The following RGL2 variants were observed in gnomAD, a reference collection of about 807,000 sequenced individuals.
The protein encoded by RGL2 is ral guanine nucleotide dissociation stimulator-like 2.
Under a neutral mutation model 84.6 loss-of-function variants are expected in RGL2, and 40 were observed. That is an observed-to-expected ratio of 0.47 (90% CI 0.37 to 0.62). RGL2 has a LOEUF of 0.62. RGL2 is among the 20% of genes least tolerant of loss of function. RGL2 has a pLI of 0.00. For missense variants in RGL2, 865 were observed against 1,019.7 expected, an observed-to-expected ratio of 0.85 and a Z score of 2.07; for synonymous variants, 369 against 417.3, an observed-to-expected ratio of 0.88 and a Z score of 1.41.
rs1767420499 is a variant in RGL2 at position 33,291,864 on chromosome 6, G to T, written c.*238C>A. ...TGCGTTTTTCCAGCACTACCTGTGT[G>T]CTGCACTCATGGAAGGTGGGAAGCT... On this transcript the variant is annotated 3_prime_UTR_variant, in exon 18 of 18. Transcript: ENST00000497454. 1.7e-6 allele frequency: 1 copy of T among 602,142 alleles called. No homozygotes were observed. Among genetic ancestry groups the T allele is most frequent in the African/African-American group, 1.9e-5 (1 of 53,872 alleles). The allele number at this position is 602,142 out of a possible 1,614,324, so 37.3% of individuals were successfully genotyped here.
rs1383917181 is a variant in RGL2, at chr6:33,295,130, C to G, written c.1206G>C (p.Val402=). The G allele has an allele frequency of 6.2e-7, 1 of 1,606,904 alleles. No individual in the cohort carries two copies. Among genetic ancestry groups the G allele is most frequent in the Non-Finnish European group, 8.5e-7 (1 of 1,176,554 alleles). The part of the protein sequence containing the change: ...DNYSQSRELL[V]QEVKLQSPLE... ...ATGCCACAAACCAGGCTCTCACCTGCACGAGCAGCTCCCGACTCTGGGAAT... is the reference window on the plus strand; with the variant it reads ...ATGCCACAAACCAGGCTCTCACCTGGACGAGCAGCTCCCGACTCTGGGAAT... The change falls in exon 9 of 18, where the codon GTG becomes GTC. Residue 402 remains valine (V), a synonymous_variant. Transcript: ENST00000497454. This position sits in a 1 kb window ranked among gnomAD's most constrained non-coding sequence, Gnocchi z 7.2.
chr6:33,294,827 C>G lies in RGL2; in HGVS notation c.1279-65G>C, dbSNP rs1365347227. On this transcript the variant is annotated intron_variant, in intron 10 of 17. Transcript: ENST00000497454. This position sits in a 1 kb window ranked among gnomAD's most constrained non-coding sequence, Gnocchi z 5.0. Reference sequence around the variant, plus strand: ...CGTGAGGGCCCTCCATCCCTCCGCACTTGCCCTCCTCATTGCCTCAGAGAA... The same window carrying G: ...CGTGAGGGCCCTCCATCCCTCCGCAGTTGCCCTCCTCATTGCCTCAGAGAA... 3.2e-6 allele frequency: 5 copies of G among 1,555,168 alleles called. No homozygotes were observed. Among genetic ancestry groups the G allele is most frequent in the African/African-American group, 1.4e-5 (1 of 73,912 alleles).
chr6:33,294,750 A>T lies in RGL2; in HGVS notation c.1291T>A (p.Tyr431Asn). ...SGSRGGGVVP[Y>N]LGTFLKDLVM... ...AGGTCCTTCAGGAAGGTGCCAAGGT[A>T]TGGGACCACACCCTGAAGTCAGGGG... Residue 431 changes from tyrosine (Y) to asparagine (N), a missense_variant, in exon 11 of 18, where the codon TAC (tyrosine) becomes AAC (asparagine). Tyr to Asn is a moderately radical substitution (Grantham distance 143). Transcript: ENST00000497454. The surrounding 1 kb of genome is among the most constrained non-coding windows in gnomAD (Gnocchi z 5.0). The T allele has an allele frequency of 6.2e-7, 1 of 1,614,030 alleles. No homozygotes were observed. Among genetic ancestry groups the T allele is most frequent in the African/African-American group, 1.3e-5 (1 of 75,030 alleles).
Position 33,298,016 on chromosome 6 carries a change from G to T in RGL2, c.156+439C>A, listed in dbSNP as rs1768172756. 1 of 154,282 alleles carries T rather than the reference G, an allele frequency of 6.5e-6. No homozygotes were observed. The highest frequency in any genetic ancestry group is 1.4e-5 in the Non-Finnish European group (1 of 69,408). 9.6% of individuals were successfully genotyped at this position (154,282 alleles called of 1,614,324 possible). ...GCGGGGCGGGGGGGCGGGGGGAAGG[G>T]GGAGAGAGGGAAGGAGGGGTCACGA... On this transcript the variant is annotated intron_variant, in intron 2 of 17. Coordinates refer to ENST00000497454, the MANE Select transcript of RGL2 (RefSeq NM_004761.5). This position sits in a 1 kb window ranked among gnomAD's most constrained non-coding sequence, Gnocchi z 4.8.
Position 33,295,746 on chromosome 6 carries a change from T to G in RGL2, c.782A>C (p.Asn261Thr). 6.2e-7 allele frequency: 1 copy of G among 1,613,402 alleles called. No individual in the cohort carries two copies. The highest frequency in any genetic ancestry group is 8.5e-7 in the Non-Finnish European group (1 of 1,179,830). ...LTLLDAELFL[N>T]LIPSQCLGGL... ...TCCCAGGCACTGAGAGGGGATCAAA[T>G]TGAGAAAAAGTTCCTGCAGGGTAGA... Residue 261 changes from asparagine (N) to threonine (T), a missense_variant, in exon 7 of 18, where the codon AAT (asparagine) becomes ACT (threonine). Coordinates refer to ENST00000497454, the MANE Select transcript of RGL2 (RefSeq NM_004761.5). The surrounding 1 kb of genome is among the most constrained non-coding windows in gnomAD (Gnocchi z 7.2).
chr6:33,294,774 G>A lies in RGL2; in HGVS notation c.1279-12C>T. On this transcript the variant is annotated splice_polypyrimidine_tract_variant and intron_variant, in intron 10 of 17. Coordinates refer to ENST00000497454, the MANE Select transcript of RGL2 (RefSeq NM_004761.5). This position sits in a 1 kb window ranked among gnomAD's most constrained non-coding sequence, Gnocchi z 5.0. Reference sequence around the variant, plus strand: ...TATGGGACCACACCCTGAAGTCAGGGGTCAGGGTCAGAAGTGCCTGCCATT... The same window carrying A: ...TATGGGACCACACCCTGAAGTCAGGAGTCAGGGTCAGAAGTGCCTGCCATT... 2 of 1,613,284 alleles carry A rather than the reference G, an allele frequency of 1.2e-6. No individual in the cohort carries two copies. The highest frequency in any genetic ancestry group is 1.7e-4 in the Middle Eastern group (1 of 6,060).
Position 33,293,935 on chromosome 6 carries a change from A to G in RGL2, c.1387-19T>C, listed in dbSNP as rs745919432. 6.2e-7 allele frequency: 1 copy of G among 1,613,786 alleles called. No homozygotes were observed. The highest frequency in any genetic ancestry group is 8.5e-7 in the Non-Finnish European group (1 of 1,179,908). On this transcript the variant is annotated intron_variant, in intron 12 of 17. Transcript: ENST00000497454. The surrounding 1 kb of genome is among the most constrained non-coding windows in gnomAD (Gnocchi z 7.0). Reference sequence around the variant, plus strand: ...CAAACTCCTGGGAAGGAGCCCTCAAACTGCAGGAGCCAAAACTCAGGGACC... The same window carrying G: ...CAAACTCCTGGGAAGGAGCCCTCAAGCTGCAGGAGCCAAAACTCAGGGACC...
rs780806032 is a variant in RGL2 at position 33,298,565 on chromosome 6, C to CG, written c.45dup (p.Gly16ArgfsTer45). ...CGGAAGCTGCTCAGTACGACTCCCC[C>CG]GGGGGGGCTCGTGTCCAAAAGCAGC... On this transcript the variant is annotated frameshift_variant, in exon 2 of 18. Transcript: ENST00000497454. LOFTEE classifies it high-confidence loss of function. The surrounding 1 kb of genome is among the most constrained non-coding windows in gnomAD (Gnocchi z 4.8). The CG allele has an allele frequency of 2.8e-5, 41 of 1,468,398 alleles. No homozygotes were observed. The highest frequency in any genetic ancestry group is 5.7e-5 in the East Asian group (2 of 34,908). The allele number at this position is 1,468,398 out of a possible 1,614,324, so 91.0% of individuals were successfully genotyped here. A position where few individuals can be genotyped will look rare whatever the true frequency, so the allele number is the denominator to read the frequency against.
chr6:33,298,644 G>A lies in RGL2; in HGVS notation c.-34C>T. 1 of 1,409,702 alleles carries A rather than the reference G, an allele frequency of 7.1e-7. No individual in the cohort carries two copies. Among genetic ancestry groups the A allele is most frequent in the Non-Finnish European group, 9.3e-7 (1 of 1,077,390 alleles). The allele number at this position is 1,409,702 out of a possible 1,614,324, so 87.3% of individuals were successfully genotyped here. On this transcript the variant is annotated 5_prime_UTR_variant, in exon 2 of 18. Coordinates refer to ENST00000497454, the MANE Select transcript of RGL2 (RefSeq NM_004761.5). This position sits in a 1 kb window ranked among gnomAD's most constrained non-coding sequence, Gnocchi z 4.8. Reference sequence around the variant, plus strand: ...GAAGGAATCAGCGGGGTCGGGCCATGGGGGCGCCTGGGGAGAGACGGGGTG... The same window carrying A: ...GAAGGAATCAGCGGGGTCGGGCCATAGGGGCGCCTGGGGAGAGACGGGGTG...
At position 33,295,285 on chromosome 6, in the gene RGL2, C is replaced by T; in HGVS notation, c.1124+34G>A. 1 of 1,560,340 alleles carries T rather than the reference C, an allele frequency of 6.4e-7. No individual in the cohort carries two copies. The highest frequency in any genetic ancestry group is 8.7e-7 in the Non-Finnish European group (1 of 1,151,700). On this transcript the variant is annotated intron_variant, in intron 8 of 17. Coordinates refer to ENST00000497454, the MANE Select transcript of RGL2 (RefSeq NM_004761.5). The surrounding 1 kb of genome is among the most constrained non-coding windows in gnomAD (Gnocchi z 7.2). ...CCCCTCTTCCCCGCCTTCTGAGGAA[C>T]CCCCACCCCAGTCCAATGCCTCAGC...
chr6:33,291,892 A>T lies in RGL2; in HGVS notation c.*210T>A. 1 of 613,584 alleles carries T rather than the reference A, an allele frequency of 1.6e-6. No homozygotes were observed. The allele number at this position is 613,584 out of a possible 1,614,324, so 38.0% of individuals were successfully genotyped here. On this transcript the variant is annotated 3_prime_UTR_variant, in exon 18 of 18. Transcript: ENST00000497454. ...GCACTCATGGAAGGTGGGAAGCTAT[A>T]CACAGGTATCCAACTTGGTTATAAG...
At position 33,297,750 on chromosome 6, in the gene RGL2, C is replaced by CGAT. The variant is rs1768128623; in HGVS notation, c.157-636_157-635insATC. 1 of 152,430 alleles carries CGAT rather than the reference C, an allele frequency of 6.6e-6. No individual in the cohort carries two copies. Among genetic ancestry groups the CGAT allele is most frequent in the Non-Finnish European group, 1.5e-5 (1 of 68,258 alleles). 9.4% of individuals were successfully genotyped at this position (152,430 alleles called of 1,614,324 possible). A position where few individuals can be genotyped will look rare whatever the true frequency, so the allele number is the denominator to read the frequency against. On this transcript the variant is annotated intron_variant, in intron 2 of 17. Transcript: ENST00000497454. This position sits in a 1 kb window ranked among gnomAD's most constrained non-coding sequence, Gnocchi z 4.0. ...GAGAGTCACGTGGCCCCAGCCCCTC[C>CGAT]CCCGACCGATCCCGAAAAACCAGCC...
Position 33,295,360 on chromosome 6 carries a change from G to T in RGL2, c.1083C>A (p.Ser361Arg). The change falls in exon 8 of 18, where the codon AGC becomes AGA. Residue 361 changes from serine to arginine, a missense_variant. Physicochemically the swap from Ser to Arg is moderately radical, Grantham distance 110 (BLOSUM62 -1). Transcript: ENST00000497454. The surrounding 1 kb of genome is among the most constrained non-coding windows in gnomAD (Gnocchi z 7.2). ...VYAVVSALQS[S>R]PIHRLRAAWG... ...AGGCTGCCCGAAGCCTGTGGATGGG[G>T]CTGGACTGCAGGGCTGACACCACGG... The T allele has an allele frequency of 6.3e-7, 1 of 1,599,748 alleles. No individual in the cohort carries two copies. The highest frequency in any genetic ancestry group is 8.5e-7 in the Non-Finnish European group (1 of 1,173,974).
chr6:33,299,983 C>G (rs1452052072), upstream of RGL2: 1 of 153,810 alleles, frequency 6.5e-6, no homozygotes, highest in Non-Finnish European at 1.5e-5. This position sits in a 1 kb window ranked among gnomAD's most constrained non-coding sequence, Gnocchi z 5.0. Context: ...CTGTGGTGAA[C>G]CGCACAAGAG....
upstream of RGL2, chr6:33,301,156 A>C (rs1768546504): frequency 1.3e-5 from 2 of 152,450 alleles, no homozygotes; most frequent in Admixed American, 1.3e-4. Context: ...GCTATAACCC[A>C]CATACCCAAA....
rs1261170173 is a variant in RGL2 at position 33,296,099 on chromosome 6, G to A, written c.697C>T (p.Pro233Ser). 3.7e-6 allele frequency: 6 copies of A among 1,613,924 alleles called. No individual in the cohort carries two copies. In the East Asian group the frequency reaches 1.3e-4, roughly 36 times the overall value. Residue 233 changes from proline to serine, a missense_variant, in exon 6 of 18, where the codon CCT becomes TCT. Transcript: ENST00000497454. This position sits in a 1 kb window ranked among gnomAD's most constrained non-coding sequence, Gnocchi z 5.0. The part of the protein sequence containing the change: ...PKPLALPGDP[P>S]ADPTDVLVFL... ...ACCAGGACATCCGTGGGGTCAGCAG[G>A]GGGATCGCCGGGGAGGGCCAGGGGC...
Position 33,298,822 on chromosome 6 carries a change from A to AG in RGL2, c.-42+47dup. The AG allele has an allele frequency of 2.9e-6, 1 of 349,588 alleles. No homozygotes were observed. Among genetic ancestry groups the AG allele is most frequent in the African/African-American group, 2.6e-5 (1 of 37,868 alleles). The allele number at this position is 349,588 out of a possible 1,614,324, so 21.7% of individuals were successfully genotyped here. A position where few individuals can be genotyped will look rare whatever the true frequency, so the allele number is the denominator to read the frequency against. On this transcript the variant is annotated intron_variant, in intron 1 of 17. Coordinates refer to ENST00000497454, the MANE Select transcript of RGL2 (RefSeq NM_004761.5). The surrounding 1 kb of genome is among the most constrained non-coding windows in gnomAD (Gnocchi z 4.8). ...GGGGGGCCCTTGGTGCTGTTGGGGA[A>AG]GGAGGAGGTCACGAGTACGGGGACG...
At chr6:33,299,500 C>T (rs1351902664), upstream of RGL2, among the ~76,000 whole-genome samples, 1 of 152,114 alleles carries the variant, frequency 6.6e-6, no homozygotes, top group African/African-American at 2.4e-5. The surrounding 1 kb of genome is among the most constrained non-coding windows in gnomAD (Gnocchi z 5.0). Flanking sequence ...GCGCCGAGAC[C>T]GAGATCCCCG....
Position 33,293,132 on chromosome 6 carries a change from C to A in RGL2, c.1891G>T (p.Ala631Ser). ...CCCCCATATCCAGTCCCCCCGGAGG[C>A]CTCTTCTGCACCCCCACTCAGCGGG... Reference protein sequence around the residue: ...GSPLSGGAEEASGGTGYGGEG... With the variant: ...GSPLSGGAEESSGGTGYGGEG... Residue 631 changes from alanine (A) to serine (S), a missense_variant, in exon 16 of 18, where the codon GCC (alanine) becomes TCC (serine). Physicochemically the swap from Ala to Ser is moderately conservative, Grantham distance 99. Transcript: ENST00000497454. This position sits in a 1 kb window ranked among gnomAD's most constrained non-coding sequence, Gnocchi z 7.0. 6.2e-7 allele frequency: 1 copy of A among 1,612,954 alleles called. No individual in the cohort carries two copies. The highest frequency in any genetic ancestry group is 8.5e-7 in the Non-Finnish European group (1 of 1,179,406).
Sources: gnomAD v4.1 joint callset for allele counts (sites outside exome capture counted in the v4.1 genomes callset) on GRCh38, gnomAD v4.1.1 for gene constraint, Gnocchi (gnomAD v3.1) non-coding constraint, MANE v1.5 for transcripts, NCBI Gene and HGNC (gene_info 2026-07-23, HGNC 2026-07-21) for gene names.